MAGI2: variants seen among roughly 807,000 people sequenced by gnomAD.
MAGI2 encodes the protein membrane associated guanylate kinase, WW and PDZ domain containing 2.
Under a neutral mutation model 133.3 loss-of-function variants are expected in MAGI2, and 35 were observed. The ratio of observed to expected loss-of-function variants is 0.26; its 90% CI spans 0.20 to 0.35. The LOEUF (loss-of-function observed/expected upper bound fraction) is 0.35, where lower values mean the gene tolerates loss of function less well. Ranked by LOEUF, MAGI2 falls within the 10% of genes least tolerant of loss-of-function variation. The pLI is 1.00. For missense variants in MAGI2, 1,636 were observed against 1,863.4 expected (o/e 0.88, Z 2.25); for synonymous variants, 729 against 710.6 (o/e 1.03, Z -0.41).
intron 3 of MAGI2, among the ~76,000 whole-genome samples, chr7:78,560,809 G>T (rs568063858): frequency 7.9e-5 from 12 of 152,282 alleles, no homozygotes; most frequent in Admixed American, 2.0e-4. Context: ...TCTGCTGAGA[G>T]CATCAGGAAT....
intron 2 of MAGI2, among the ~76,000 whole-genome samples, chr7:78,640,596 T>C (rs757500212): frequency 2.7e-5 from 4 of 147,350 alleles, no homozygotes; most frequent in Non-Finnish European, 4.5e-5. Flanking sequence ...CCAGGACTAA[T>C]AGAGACATAA....
At chr7:78,920,572 T>C (rs1456114992) in intron 2 of MAGI2, among the ~76,000 whole-genome samples, 3 of 152,140 alleles carry the variant, frequency 2.0e-5, no homozygotes, top group African/African-American at 7.2e-5. Flanking sequence ...TTAACTGAAA[T>C]TTTAGTATGA....
chr7:78,847,046 AT>A (rs1384109457), intron 2 of MAGI2, among the ~76,000 whole-genome samples: 4 of 151,962 alleles, frequency 2.6e-5, no homozygotes. Flanking sequence ...TATAATTGAC[AT>A]TCTTATAGAC....
chr7:79,241,717 C>T (rs1435991006), intron 1 of MAGI2, among the ~76,000 whole-genome samples: 1 of 152,086 alleles, frequency 6.6e-6, no homozygotes, highest in African/African-American at 2.4e-5. Flanking sequence ...GTTTACTGCA[C>T]CAGAAGTCAC....
chr7:78,794,376 G>T (rs1787423861), intron 2 of MAGI2, among the ~76,000 whole-genome samples: 1 of 152,150 alleles, frequency 6.6e-6, no homozygotes, highest in South Asian at 2.1e-4. Context: ...GATGGCAACT[G>T]CCCTTCTCCA....
intron 1 of MAGI2, among the ~76,000 whole-genome samples, chr7:79,090,796 T>C (rs1258146189): frequency 6.6e-6 from 1 of 152,178 alleles, no homozygotes; most frequent in Non-Finnish European, 1.5e-5. Context: ...TAGTGAGTTA[T>C]ATCCATGGTA....
chr7:78,058,741 G>C (rs1331179407), intron 21 of MAGI2, among the ~76,000 whole-genome samples: 1 of 152,010 alleles, frequency 6.6e-6, no homozygotes, highest in African/African-American at 2.4e-5. Flanking sequence ...CTCCATGTAA[G>C]CATTAAAAAG....
intron 6 of MAGI2, among the ~76,000 whole-genome samples, chr7:78,453,995 G>T (rs1198634699): frequency 1.3e-5 from 2 of 151,844 alleles, no homozygotes; most frequent in African/African-American, 4.8e-5. Flanking sequence ...GGGATAATTG[G>T]GATACCTATC....
intron 2 of MAGI2, among the ~76,000 whole-genome samples, chr7:78,816,734 A>C (rs930110234): frequency 2.6e-5 from 4 of 151,646 alleles, no homozygotes; most frequent in African/African-American, 9.7e-5. Context: ...ACTGCTTAGA[A>C]AAAAAAAAGA....
chr7:78,407,272 T>C (rs1272566939), intron 6 of MAGI2, among the ~76,000 whole-genome samples: 1 of 152,054 alleles, frequency 6.6e-6, no homozygotes, highest in Non-Finnish European at 1.5e-5. Context: ...CTGAGTTCAG[T>C]TAAATATGCA....
chr7:78,928,874 C>T (rs764326262), intron 2 of MAGI2, among the ~76,000 whole-genome samples: 4 of 152,008 alleles, frequency 2.6e-5, no homozygotes, highest in African/African-American at 4.8e-5. Context: ...CAGAAATTCA[C>T]TGCAATATTT....
chr7:78,300,422 G>T (rs79212918), intron 9 of MAGI2, among the ~76,000 whole-genome samples: 57 of 152,278 alleles, frequency 3.7e-4, no homozygotes, highest in African/African-American at 1.3e-3. Context: ...TAGGATTGCT[G>T]ATTGAAAGAA....
chr7:78,629,447 T>G (rs1808731461), intron 2 of MAGI2, among the ~76,000 whole-genome samples: 1 of 152,184 alleles, frequency 6.6e-6, no homozygotes. Flanking sequence ...CCTGATCTCT[T>G]GTAATTTCCC....
chr7:78,342,851 CT>C (rs1480649664), intron 9 of MAGI2, among the ~76,000 whole-genome samples: 2 of 152,070 alleles, frequency 1.3e-5, no homozygotes, highest in East Asian at 3.9e-4. Context: ...GGAGAAATAC[CT>C]AATGTAGATG....
chr7:78,633,705 CA>C (rs36102006), intron 2 of MAGI2, among the ~76,000 whole-genome samples: 4,959 of 80,692 alleles, frequency 0.061, 50 homozygotes, highest in Non-Finnish European at 0.09. Context: ...GACTCCGTCT[CA>C]AAAAAAAAAA....
At chr7:79,236,043 T>C (rs1313768882) in intron 1 of MAGI2, among the ~76,000 whole-genome samples, 1 of 152,202 alleles carries the variant, frequency 6.6e-6, no homozygotes, top group Non-Finnish European at 1.5e-5. Context: ...TTTGGGCATA[T>C]GCTATATTAT....
intron 2 of MAGI2, among the ~76,000 whole-genome samples, chr7:78,791,023 A>T (rs1827202543): frequency 6.6e-6 from 1 of 152,230 alleles, no homozygotes; most frequent in Non-Finnish European, 1.5e-5. Context: ...AAATAAACTC[A>T]GAAAAACACA....
intron 1 of MAGI2, among the ~76,000 whole-genome samples, chr7:79,098,181 ATG>A (rs1474378759): frequency 6.6e-6 from 1 of 152,102 alleles, no homozygotes; most frequent in Non-Finnish European, 1.5e-5. Context: ...GCAGTCTGGA[ATG>A]TGTGTGTAAT....
chr7:78,836,799 T>C (rs1487710856), intron 2 of MAGI2, among the ~76,000 whole-genome samples: 1 of 152,164 alleles, frequency 6.6e-6, no homozygotes, highest in South Asian at 2.1e-4. Flanking sequence ...CCTTCAGATA[T>C]TTAAGGTGCT....
Sources: allele counts gnomAD v4.1 joint callset (sites outside exome capture counted in the v4.1 genomes callset), GRCh38; gene constraint gnomAD v4.1.1; transcripts MANE v1.5; gene names NCBI Gene and HGNC (gene_info 2026-07-23, HGNC 2026-07-21).